Variants in COL20A1 observed in about 807,000 individuals in gnomAD.
COL20A1 encodes the protein collagen alpha-1(XX) chain.
A neutral mutation model predicts 152.9 loss-of-function variants in COL20A1; 164 were observed. That is an observed-to-expected ratio of 1.07 (90% CI 0.94 to 1.22). The LOEUF (loss-of-function observed/expected upper bound fraction) is 1.22, where lower values mean the gene tolerates loss of function less well. COL20A1 is among the 50% of genes most tolerant of loss of function. The pLI is 0.00. For missense variants in COL20A1, 1,873 were observed against 1,744.8 expected (o/e 1.07, Z -1.31); for synonymous variants, 864 against 756.0 (o/e 1.14, Z -2.34).
In COL20A1 at chr20:63,307,653, G is replaced by A; in HGVS notation, c.655+5G>A. ...GGCCGGATAAGGTCCAAGTAGGTGGGTGCTGGCCCGGCCCGCCTCCTGCCC... is the reference window on the plus strand; with the variant it reads ...GGCCGGATAAGGTCCAAGTAGGTGGATGCTGGCCCGGCCCGCCTCCTGCCC... On this transcript the variant is annotated splice_donor_5th_base_variant and intron_variant, in intron 6 of 35. Transcript: ENST00000358894. 6.2e-7 allele frequency: 1 copy of A among 1,609,904 alleles called. No individual in the cohort carries two copies. Among genetic ancestry groups the A allele is most frequent in the Non-Finnish European group, 8.5e-7 (1 of 1,177,970 alleles).
At chr20:63,323,658 A>G (rs554990545) in intron 27 of COL20A1, among the ~76,000 whole-genome samples, 16 of 152,240 alleles carry the variant, frequency 1.1e-4, no homozygotes, top group African/African-American at 3.6e-4. Flanking sequence ...GTGCTGTCCT[A>G]AGGCCCCTGT....
chr20:63,315,467 GCCCA>G, intron 20 of COL20A1, 28 bp downstream of exon 20: 2 of 1,552,742 alleles, frequency 1.3e-6, no homozygotes, highest in Non-Finnish European at 1.7e-6. Context: ...TCCCCTGCCT[GCCCA>G]CCCACAGTCT....
intron 33 of COL20A1, 77 bp from the exon 34 acceptor site, chr20:63,328,254 G>T: frequency 6.4e-7 from 1 of 1,554,208 alleles, no homozygotes; most frequent in Non-Finnish European, 8.8e-7. Context: ...CCTGGGCCAG[G>T]TGTCCTGGCG....
intron 8 of COL20A1, among the ~76,000 whole-genome samples, 200 bp from the exon 9 acceptor site, chr20:63,309,133 G>A (rs983325999): frequency 7.2e-5 from 11 of 152,198 alleles, no homozygotes; most frequent in African/African-American, 2.7e-4. Context: ...TTTCGAGGCA[G>A]GAGTCCCAGG....
chr20:63,328,848 C>G lies in COL20A1; in HGVS notation c.3781+350C>G, dbSNP rs370374265. On this transcript the variant is annotated intron_variant, in intron 34 of 35. Coordinates refer to ENST00000358894, the MANE Select transcript of COL20A1 (RefSeq NM_020882.4). ...GCCCTCCTGTCCTCCTTGTCCTCCCCACTCCCGCCCTCTTATCCTCCTGGC... is the reference window on the plus strand; with the variant it reads ...GCCCTCCTGTCCTCCTTGTCCTCCCGACTCCCGCCCTCTTATCCTCCTGGC... Among the ~76,000 whole-genome samples the G allele has an allele frequency of 1.1e-4, 17 of 151,496 alleles. No individual in the cohort carries two copies. In the East Asian group the frequency reaches 3.2e-3, roughly 28 times the overall value.
rs2314251 is a variant in COL20A1, at chr20:63,325,430, T to C, written c.3295-11T>C. On this transcript the variant is annotated splice_polypyrimidine_tract_variant and intron_variant, in intron 27 of 35. Coordinates refer to ENST00000358894, the MANE Select transcript of COL20A1 (RefSeq NM_020882.4). The stretch of plus-strand genomic sequence containing the variant: ...CTCCGCTTCGCTGTCCAGCCCATCT[T>C]CCCCCTCCAGGGTCCACCAGGGGTC... 0.65 allele frequency: 1,048,447 copies of C among 1,604,770 alleles called. 348,408 individuals carry two copies. The highest frequency in any genetic ancestry group is 0.69 in the Non-Finnish European group (804,508 of 1,172,644).
Position 63,331,901 on chromosome 20 carries a change from C to T in COL20A1, c.*1185C>T, listed in dbSNP as rs1434242569. 6.6e-6 allele frequency: 1 copy of T among 152,156 alleles called. No homozygotes were observed. Among genetic ancestry groups the T allele is most frequent in the Non-Finnish European group, 1.5e-5 (1 of 68,076 alleles). The allele number at this position is 152,156 out of a possible 1,614,324, so 9.4% of individuals were successfully genotyped here. A position where few individuals can be genotyped will look rare whatever the true frequency, so the allele number is the denominator to read the frequency against. ...ATACCCCAAAGAGGTGAGCGCAAAA[C>T]AGCTTCAGGGCAAACACTTCATCTA... On this transcript the variant is annotated 3_prime_UTR_variant, in exon 36 of 36. Transcript: ENST00000358894.
chr20:63,324,296 T>G (rs981430098), intron 27 of COL20A1: 2 of 152,256 alleles, frequency 1.3e-5, no homozygotes, highest in Non-Finnish European at 2.9e-5. Context: ...TTTTCAGTCT[T>G]GATCACTCAA....
In COL20A1 at chr20:63,326,117, A is replaced by G. The variant is rs199859698; in HGVS notation, c.3424A>G (p.Thr1142Ala). Residue 1142 changes from threonine (T) to alanine (A), a missense_variant, in exon 30 of 36, where the codon ACT becomes GCT. Coordinates refer to ENST00000358894, the MANE Select transcript of COL20A1 (RefSeq NM_020882.4). ...GPKGMRGLEGTAGLPGPPGPR... is the reference protein window; with the variant it reads ...GPKGMRGLEGAAGLPGPPGPR... ...TCAGGGAATGAGAGGCCTGGAGGGA[A>G]CTGCTGGCCTGCCTGGACCCCCTGG... The G allele has an allele frequency of 6.7e-4, 1,084 of 1,612,378 alleles. 11 individuals carry two copies. In the African/African-American group the frequency reaches 0.013, roughly 20 times the overall value.
Position 63,295,133 on chromosome 20 carries a change from T to C in COL20A1, c.26T>C (p.Leu9Pro). 6.4e-7 allele frequency: 1 copy of C among 1,553,442 alleles called. No homozygotes were observed. Among genetic ancestry groups the C allele is most frequent in the Non-Finnish European group, 8.7e-7 (1 of 1,148,700 alleles). MSSGDPAHLGLCLWLWLGA... is the reference protein window; with the variant it reads MSSGDPAHPGLCLWLWLGA... The stretch of plus-strand genomic sequence containing the variant: ...ATGAGCTCCGGAGACCCTGCACACC[T>C]CGGCCTCTGCCTCTGGCTGTGGCTG... Residue 9 changes from leucine to proline, a missense_variant, in exon 2 of 36, where the codon CTC becomes CCC. Coordinates refer to ENST00000358894, the MANE Select transcript of COL20A1 (RefSeq NM_020882.4).
chr20:63,329,615 G>T lies in COL20A1; in HGVS notation c.3812G>T (p.Ser1271Ile). ...CCTGGAGCTGTTGGTCAGATGGGCAGCCCTGGGCAGCAGGGGGCTAGCACC... is the reference window on the plus strand; with the variant it reads ...CCTGGAGCTGTTGGTCAGATGGGCATCCCTGGGCAGCAGGGGGCTAGCACC... ...GEPGAVGQMG[S>I]PGQQGASTQG... Residue 1271 changes from serine (S) to isoleucine (I), a missense_variant, in exon 35 of 36, where the codon AGC becomes ATC. Transcript: ENST00000358894. The T allele has an allele frequency of 1.2e-6, 2 of 1,607,724 alleles. No homozygotes were observed.
chr20:63,294,459 C>T (rs2067760649), intron 1 of COL20A1, among the ~76,000 whole-genome samples: 3 of 151,928 alleles, frequency 2.0e-5, no homozygotes, highest in African/African-American at 7.3e-5. Flanking sequence ...TTTTCTGGTC[C>T]TCCTTGTAGC....
intron 27 of COL20A1, 137 bp downstream of exon 27, chr20:63,322,248 C>T (rs2068174787): frequency 3.0e-6 from 2 of 676,428 alleles, no homozygotes; most frequent in Non-Finnish European, 4.7e-6. Flanking sequence ...CCCCAAGCTG[C>T]AGACAGGCAG....
chr20:63,310,882 G>A (rs2067996029), intron 11 of COL20A1, among the ~76,000 whole-genome samples: 1 of 152,092 alleles, frequency 6.6e-6, no homozygotes, highest in Admixed American at 6.5e-5. Flanking sequence ...TTGTTGAGAT[G>A]TAATTTACAC....
intron 21 of COL20A1, 64 bp from the exon 22 acceptor site, chr20:63,318,994 G>C: frequency 7.4e-7 from 1 of 1,357,260 alleles, no homozygotes; most frequent in Non-Finnish European, 1.0e-6. Context: ...CGAGCGGATC[G>C]TTCTGCCAGG....
chr20:63,308,803 C>T (rs1257548745), intron 8 of COL20A1, 97 bp downstream of exon 8: 1 of 1,139,756 alleles, frequency 8.8e-7, no homozygotes, highest in African/African-American at 1.6e-5. Context: ...GTCCCTGAGC[C>T]CCAGCTTCCA....
At position 63,313,883 on chromosome 20, in the gene COL20A1, G is replaced by A. The variant is rs370151344; in HGVS notation, c.2350G>A (p.Glu784Lys). The change falls in exon 18 of 36, where the codon GAG (glutamate) becomes AAG (lysine). Residue 784 changes from glutamate to lysine, a missense_variant. By Grantham distance (56) the Glu-to-Lys change is moderately conservative (BLOSUM62 1). Coordinates refer to ENST00000358894, the MANE Select transcript of COL20A1 (RefSeq NM_020882.4). This position sits in a 1 kb window ranked among gnomAD's most constrained non-coding sequence, Gnocchi z 5.9. Reference protein sequence around the residue: ...TYAPASGLGPEKSVSVPGARS... With the variant: ...TYAPASGLGPKKSVSVPGARS... ...CGCCCCCGCCTCTGGCTTGGGACCC[G>A]AGAAATCCGTGAGTCTTGGTAGAGC... 2.4e-5 allele frequency: 39 copies of A among 1,601,616 alleles called. No individual in the cohort carries two copies. Among genetic ancestry groups the A allele is most frequent in the African/African-American group, 8.0e-5 (6 of 74,536 alleles).
At position 63,301,842 on chromosome 20, in the gene COL20A1, AGT is replaced by A. The variant is rs1204457797; in HGVS notation, c.194-3571_194-3570del. Among the ~76,000 whole-genome samples the A allele has an allele frequency of 3.9e-5, 6 of 152,328 alleles. No individual in the cohort carries two copies. The East Asian group carries it at 1.2e-3, about 29-fold the overall frequency. ...ATATAATTGGGTATTGTTTTCACCC[AGT>A]GTGACAGTCTTTGTCTTTTTATTAA... On this transcript the variant is annotated intron_variant, in intron 3 of 35. Coordinates refer to ENST00000358894, the MANE Select transcript of COL20A1 (RefSeq NM_020882.4).
In COL20A1 at chr20:63,326,811, C is replaced by T. The variant is rs146952253; in HGVS notation, c.3516C>T (p.Thr1172=). Residue 1172 remains threonine (T), a synonymous_variant, in exon 31 of 36, where the codon ACC becomes ACT. Coordinates refer to ENST00000358894, the MANE Select transcript of COL20A1 (RefSeq NM_020882.4). ...GTSGERGPPG[T]VGPTGLPGPK... is the part of the protein sequence containing the mutation. The stretch of plus-strand genomic sequence containing the variant: ...GTGGAGAGCGAGGACCTCCAGGGAC[C>T]GTGGGGCCCACAGTAAGTGCATTTC... The T allele has an allele frequency of 4.9e-5, 73 of 1,501,292 alleles. No homozygotes were observed. The East Asian group carries it at 1.5e-3, about 31-fold the overall frequency. 93.0% of individuals were successfully genotyped at this position (1,501,292 alleles called of 1,614,324 possible).
Sources: allele counts gnomAD v4.1 joint callset (sites outside exome capture counted in the v4.1 genomes callset), GRCh38; gene constraint gnomAD v4.1.1; non-coding constraint Gnocchi (gnomAD v3.1); transcripts MANE v1.5; gene names NCBI Gene and HGNC (gene_info 2026-07-23, HGNC 2026-07-21).